The following DIAPH3 variants were observed in gnomAD, a reference collection of about 807,000 sequenced individuals.
DIAPH3 encodes diaphanous related formin 3.
In DIAPH3, 117 loss-of-function variants were observed where a neutral mutation model predicts 144.3. The ratio of observed to expected loss-of-function variants is 0.81; its 90% CI spans 0.70 to 0.95. The LOEUF is 0.95. DIAPH3 is among the 40% of genes least tolerant of loss of function. DIAPH3 has a pLI of 0.00. For synonymous variants in DIAPH3, 519 were observed against 488.9 expected, an observed-to-expected ratio of 1.06 and a Z score of -0.81; for missense variants, 1,421 against 1,412.7, an observed-to-expected ratio of 1.01 and a Z score of -0.09.
intron 4 of DIAPH3, among the ~76,000 whole-genome samples, chr13:60,074,560 T>C (rs934751902): frequency 1.3e-5 from 2 of 152,194 alleles, no homozygotes; most frequent in South Asian, 2.1e-4. Context: ...ATAATCTCAC[T>C]ACTCTTTTTT....
intron 12 of DIAPH3, among the ~76,000 whole-genome samples, chr13:59,990,213 A>T (rs539290862): frequency 6.6e-6 from 1 of 151,958 alleles, no homozygotes; most frequent in East Asian, 1.9e-4. Flanking sequence ...ATTTTGATGC[A>T]TGTCCTATCC....
At chr13:60,010,136 T>G (rs552336149) in intron 8 of DIAPH3, among the ~76,000 whole-genome samples, 42 of 152,238 alleles carry the variant, frequency 2.8e-4, no homozygotes, top group Admixed American at 1.8e-3. Flanking sequence ...CAAATCGTAA[T>G]ATGTTTGCTT....
intron 19 of DIAPH3, 86 bp downstream of exon 19, chr13:59,916,069 G>T: frequency 1.7e-6 from 2 of 1,143,946 alleles, no homozygotes; most frequent in Non-Finnish European, 2.6e-6. Flanking sequence ...TGATTTGGGT[G>T]AAGAATTTTG....
intron 27 of DIAPH3, among the ~76,000 whole-genome samples, chr13:59,765,708 A>AT (rs35328969): frequency 0.22 from 33,467 of 151,510 alleles, 3,868 homozygotes; most frequent in Non-Finnish European, 0.25. Context: ...AACTACTGCT[A>AT]TTTTTTTTTA....
chr13:59,885,146 C>T (rs1420418661), intron 20 of DIAPH3, among the ~76,000 whole-genome samples: 2 of 152,050 alleles, frequency 1.3e-5, no homozygotes, highest in African/African-American at 4.8e-5. Flanking sequence ...TACTCAGGAT[C>T]ATCAAGTGGT....
intron 4 of DIAPH3, among the ~76,000 whole-genome samples, chr13:60,049,120 A>T (rs568181171): frequency 6.6e-6 from 1 of 152,340 alleles, no homozygotes; most frequent in African/African-American, 2.4e-5. Flanking sequence ...CAACAAGACA[A>T]AGGAATCAAA....
chr13:59,741,875 A>G (rs1294166357), intron 27 of DIAPH3, among the ~76,000 whole-genome samples: 1 of 152,158 alleles, frequency 6.6e-6, no homozygotes, highest in Non-Finnish European at 1.5e-5. Context: ...TGAGACCCCT[A>G]TAACGAAAGA....
chr13:59,965,658 T>C (rs1207575193), intron 17 of DIAPH3, among the ~76,000 whole-genome samples: 10 of 152,180 alleles, frequency 6.6e-5, no homozygotes, highest in Admixed American at 6.5e-4. Flanking sequence ...TTTTATAACC[T>C]TGTTAAGTCT....
chr13:59,959,300 T>C (rs1055380974), intron 17 of DIAPH3, among the ~76,000 whole-genome samples: 1 of 152,202 alleles, frequency 6.6e-6, no homozygotes, highest in African/African-American at 2.4e-5. Flanking sequence ...AACACAAATA[T>C]GTTCATTTAA....
At chr13:60,099,819 T>G (rs2058214896) in intron 3 of DIAPH3, among the ~76,000 whole-genome samples, 1 of 152,052 alleles carries the variant, frequency 6.6e-6, no homozygotes, top group South Asian at 2.1e-4. Context: ...GAAAGCTTTT[T>G]TTTTCATTCA....
chr13:59,814,089 AAAT>A (rs2040639790), intron 24 of DIAPH3, among the ~76,000 whole-genome samples: 1 of 152,126 alleles, frequency 6.6e-6, no homozygotes, highest in Non-Finnish European at 1.5e-5. Context: ...TACAATAAAT[AAAT>A]AATATATCAT....
chr13:60,077,377 A>G (rs1431883150), intron 4 of DIAPH3, among the ~76,000 whole-genome samples: 2 of 152,114 alleles, frequency 1.3e-5, no homozygotes, highest in Non-Finnish European at 2.9e-5. Context: ...ATATTCCCAA[A>G]TCTTAAATTA....
chr13:59,911,628 T>A, intron 20 of DIAPH3, 107 bp downstream of exon 20: 1 of 812,086 alleles, frequency 1.2e-6, no homozygotes. Flanking sequence ...GGATATTAAA[T>A]GTATGTGATT....
At chr13:59,786,862 A>G (rs2039059197) in intron 25 of DIAPH3, among the ~76,000 whole-genome samples, 1 of 152,182 alleles carries the variant, frequency 6.6e-6, no homozygotes, top group Non-Finnish European at 1.5e-5. Flanking sequence ...TAATCCCAGC[A>G]ACTTGGGAGA....
chr13:59,718,712 G>GA, intron 27 of DIAPH3, among the ~76,000 whole-genome samples: 1 of 152,108 alleles, frequency 6.6e-6, no homozygotes, highest in East Asian at 1.9e-4. Flanking sequence ...GTTGAAAAAG[G>GA]AAAAATGTAA....
At chr13:60,156,936 T>C (rs1156462109) in intron 1 of DIAPH3, among the ~76,000 whole-genome samples, 1 of 54,774 alleles carries the variant, frequency 1.8e-5, no homozygotes, top group Non-Finnish European at 3.7e-5. Context: ...TATATATATA[T>C]ATATTTTTTT....
intron 1 of DIAPH3, among the ~76,000 whole-genome samples, chr13:60,148,812 C>A (rs1377488757): frequency 6.6e-6 from 1 of 152,168 alleles, no homozygotes; most frequent in East Asian, 1.9e-4. Flanking sequence ...CCCAAGTTAA[C>A]TCCACAGCCT....
intron 23 of DIAPH3, chr13:59,838,324 T>A (rs1362894380): frequency 6.6e-6 from 1 of 152,020 alleles, no homozygotes. Flanking sequence ...GCTACAAAGT[T>A]AGTGATAATA....
intron 27 of DIAPH3, among the ~76,000 whole-genome samples, chr13:59,670,962 C>T (rs1448247469): frequency 6.6e-6 from 1 of 152,176 alleles, no homozygotes; most frequent in East Asian, 1.9e-4. Context: ...TCACAAAGTG[C>T]TGGGATTACA....
Sources: allele counts gnomAD v4.1 joint callset (sites outside exome capture counted in the v4.1 genomes callset), GRCh38; gene constraint gnomAD v4.1.1; transcripts MANE v1.5; gene names NCBI Gene and HGNC (gene_info 2026-07-23, HGNC 2026-07-21).